The following DMD variants were observed in gnomAD, a reference collection of about 807,000 sequenced individuals.
DMD encodes the protein mutant dystrophin.
DMD carries 63 observed loss-of-function variants against 330.1 expected under a neutral mutation model. That is an observed-to-expected ratio of 0.19 (90% CI 0.16 to 0.24). The LOEUF (loss-of-function observed/expected upper bound fraction) is 0.24. DMD is among the 10% of genes least tolerant of loss of function. The pLI is 1.00. For synonymous variants in DMD, 1,223 were observed against 959.8 expected (o/e 1.27, Z -5.07); for missense variants, 3,344 against 2,684.1 (o/e 1.25, Z -5.43).
chrX:32,315,369 GT>G (rs1161263862), intron 41 of DMD, among the ~76,000 whole-genome samples: 1 of 110,151 alleles, frequency 9.1e-6, no homozygotes, highest in African/African-American at 3.3e-5. Flanking sequence ...CTGTTGGCGG[GT>G]GGGGGGCAAG....
chrX:32,687,654 A>T (rs746989437), intron 9 of DMD, among the ~76,000 whole-genome samples: 43 of 111,822 alleles, frequency 3.8e-4, no homozygotes, highest in South Asian at 2.6e-3. Flanking sequence ...GTTAGTGAAG[A>T]AGCCTTCAAA....
chrX:31,719,087 G>A (rs1242661688), intron 52 of DMD, among the ~76,000 whole-genome samples: 2 of 111,764 alleles, frequency 1.8e-5, no homozygotes, highest in Admixed American at 9.5e-5. Flanking sequence ...CCTGTCAAAC[G>A]GATAAACCAA....
At chrX:31,910,826 G>C (rs971558435) in intron 47 of DMD, among the ~76,000 whole-genome samples, 3 of 112,220 alleles carry the variant, frequency 2.7e-5, no homozygotes, top group Non-Finnish European at 5.6e-5. Flanking sequence ...ACATTGGGTA[G>C]TCTCATTTTG....
chrX:32,446,670 C>A (rs970489540), intron 27 of DMD, among the ~76,000 whole-genome samples: 4 of 109,769 alleles, frequency 3.6e-5, no homozygotes, highest in Non-Finnish European at 7.7e-5. Context: ...GCAGCAACAG[C>A]AATTATATGG....
chrX:32,862,089 T>A (rs2082114029), intron 2 of DMD, among the ~76,000 whole-genome samples: 1 of 111,769 alleles, frequency 8.9e-6, no homozygotes, highest in Admixed American at 9.6e-5. Context: ...AGGTATTTAT[T>A]CATTATTCCT....
intron 9 of DMD, among the ~76,000 whole-genome samples, chrX:32,658,223 T>C (rs1229982574): frequency 9.0e-6 from 1 of 111,499 alleles, no homozygotes; most frequent in African/African-American, 3.3e-5. Context: ...CACAAGTCTA[T>C]ATGTAAAGAA....
At chrX:31,517,289 A>T (rs1008525774) in intron 55 of DMD, among the ~76,000 whole-genome samples, 4 of 111,498 alleles carry the variant, frequency 3.6e-5, no homozygotes, top group Non-Finnish European at 7.5e-5. Flanking sequence ...GGTTTCATTA[A>T]TGTTGCATCC....
chrX:31,411,935 C>T (rs1246561968), intron 60 of DMD, among the ~76,000 whole-genome samples: 1 of 110,733 alleles, frequency 9.0e-6, no homozygotes, highest in African/African-American at 3.3e-5. Flanking sequence ...ATCCCAATCC[C>T]AGCACTTAGG....
At chrX:31,350,632 T>TGAGAGAGAGA (rs372820688) in intron 60 of DMD, among the ~76,000 whole-genome samples, 1 of 66,697 alleles carries the variant, frequency 1.5e-5, no homozygotes, top group African/African-American at 6.1e-5. Context: ...TGTGTGTGTG[T>TGAGAGAGAGA]GAGAGAGAGA....
chrX:32,197,066 T>C (rs1448152801), intron 44 of DMD, among the ~76,000 whole-genome samples: 2 of 107,360 alleles, frequency 1.9e-5, no homozygotes, highest in East Asian at 6.0e-4. Context: ...GTTAGAACCC[T>C]CCCCCAACAT....
intron 55 of DMD, among the ~76,000 whole-genome samples, chrX:31,613,431 T>A (rs183651592): frequency 1.7e-4 from 19 of 111,637 alleles, no homozygotes; most frequent in African/African-American, 6.2e-4. Context: ...TCCAGGCATG[T>A]GAGTGAGCCC....
chrX:32,189,620 T>A (rs2096963010), intron 44 of DMD, among the ~76,000 whole-genome samples: 1 of 63,094 alleles, frequency 1.6e-5, no homozygotes, highest in African/African-American at 8.2e-5. Context: ...GCAGGCATAC[T>A]TCTAGGATTT....
rs747049913 is a variant in DMD at position 33,112,816 on chromosome X, G to A, written c.32-92616C>T. On this transcript the variant is annotated intron_variant, in intron 1 of 78. Transcript: ENST00000357033. ...TAAAGTAAGAATATCGGCCAGGCGCGGTGGCTCGTGCCTGTAATCCCAGCA... is the reference window on the plus strand; with the variant it reads ...TAAAGTAAGAATATCGGCCAGGCGCAGTGGCTCGTGCCTGTAATCCCAGCA... Among the ~76,000 whole-genome samples, 24 of 108,351 alleles carry A rather than the reference G, an allele frequency of 2.2e-4. No individual in the cohort carries two copies. In the South Asian group the frequency reaches 1.0e-2, roughly 45 times the overall value. The allele number at this position is 108,351 out of a possible 115,157, so 94.1% of individuals were successfully genotyped here.
intron 62 of DMD, among the ~76,000 whole-genome samples, chrX:31,280,345 T>C (rs143160199): frequency 2.3e-3 from 257 of 112,041 alleles, no homozygotes; most frequent in African/African-American, 7.7e-3. Context: ...ACCAGATACA[T>C]ACAAAAATAC....
intron 2 of DMD, among the ~76,000 whole-genome samples, chrX:33,003,109 T>C (rs2093323982): frequency 9.1e-6 from 1 of 110,142 alleles, no homozygotes; most frequent in Non-Finnish European, 1.9e-5. Context: ...GTATACACCG[T>C]ACCCAATATG....
At chrX:31,279,047 G>T (rs1008139149) in intron 62 of DMD, among the ~76,000 whole-genome samples, 1 of 112,249 alleles carries the variant, frequency 8.9e-6, no homozygotes, top group Admixed American at 9.4e-5. Context: ...TCAAAAGAGT[G>T]ACCAGCTTTG....
At chrX:32,643,136 C>G (rs534789645) in intron 11 of DMD, among the ~76,000 whole-genome samples, 6 of 110,774 alleles carry the variant, frequency 5.4e-5, no homozygotes, top group African/African-American at 1.6e-4. Context: ...TCACAGCAGG[C>G]GAATAATATC....
intron 47 of DMD, among the ~76,000 whole-genome samples, chrX:31,881,919 C>T (rs1010528500): frequency 1.8e-5 from 2 of 112,157 alleles, no homozygotes; most frequent in African/African-American, 6.5e-5. Context: ...AGTTAAGCTT[C>T]TACCCTGGAA....
At chrX:32,813,180 A>G (rs990698230) in intron 6 of DMD, among the ~76,000 whole-genome samples, 5 of 112,008 alleles carry the variant, frequency 4.5e-5, no homozygotes, top group Admixed American at 2.9e-4. Context: ...CTTTGAGGTC[A>G]CGTCTAGCAT....
Sources: gnomAD v4.1 joint callset for allele counts (sites outside exome capture counted in the v4.1 genomes callset) on GRCh38, gnomAD v4.1.1 for gene constraint, MANE v1.5 for transcripts, NCBI Gene and HGNC (gene_info 2026-07-23, HGNC 2026-07-21) for gene names.